ANK1: variants seen among roughly 807,000 people sequenced by gnomAD.
ANK1 encodes ankyrin-1.
In ANK1, 51 loss-of-function variants were observed where a neutral mutation model predicts 210.4. That is an observed-to-expected ratio of 0.24 (90% CI 0.19 to 0.31). The LOEUF is 0.31. Ranked by LOEUF, ANK1 falls within the 10% of genes least tolerant of loss-of-function variation. The pLI, the probability that ANK1 is intolerant of heterozygous loss-of-function variation, is 1.00. For missense variants in ANK1, 2,051 were observed against 2,504.4 expected (o/e 0.82, Z 3.86); for synonymous variants, 967 against 1,025.9 (o/e 0.94, Z 1.10).
chr8:41,792,640 C>CAT (rs1847974817), intron 1 of ANK1, among the ~76,000 whole-genome samples: 1 of 152,116 alleles, frequency 6.6e-6, no homozygotes, highest in Non-Finnish European at 1.5e-5. Flanking sequence ...GGAGAGATGA[C>CAT]ATATATATAA....
At chr8:41,692,610 G>T (rs781594514) in intron 31 of ANK1, 38 bp downstream of exon 31, 1 of 1,586,480 alleles carries the variant, frequency 6.3e-7, no homozygotes, top group South Asian at 1.1e-5. Flanking sequence ...CGGCAGGACG[G>T]TTTGTCCCAG....
chr8:41,837,191 C>A (rs1563877796), intron 1 of ANK1, among the ~76,000 whole-genome samples: 2 of 152,198 alleles, frequency 1.3e-5, no homozygotes, highest in Non-Finnish European at 2.9e-5. Context: ...TCAGGTGAGA[C>A]AAAGAATGCA....
intron 1 of ANK1, among the ~76,000 whole-genome samples, chr8:41,767,541 C>T (rs1253678938): frequency 6.6e-6 from 1 of 152,168 alleles, no homozygotes; most frequent in South Asian, 2.1e-4. Flanking sequence ...CTCTCCCGCC[C>T]GCCAGCCTGC....
chr8:41,755,295 C>T (rs550566574), intron 2 of ANK1, among the ~76,000 whole-genome samples: 3 of 152,340 alleles, frequency 2.0e-5, no homozygotes, highest in Admixed American at 6.5e-5. Flanking sequence ...AACGGGAGAC[C>T]AATCAGGACA....
rs776523256 is a variant in ANK1 at position 41,717,017 on chromosome 8, G to C, written c.1340C>G (p.Ala447Gly). The change falls in exon 13 of 43, where the codon GCC becomes GGC. Residue 447 changes from alanine (A) to glycine (G), a missense_variant. By Grantham distance (60) the Ala-to-Gly change is moderately conservative. Transcript: ENST00000289734. ...ATATTTGGCCACTTCCGTGTGCCCG[G>C]CTCTGGCTGCCATGTGTAGCGGGGT... ...VETPLHMAAR[A>G]GHTEVAKYLL... The C allele has an allele frequency of 1.9e-6, 3 of 1,614,210 alleles. No individual in the cohort carries two copies. The Admixed American group carries it at 5.0e-5, about 27-fold the overall frequency.
At chr8:41,748,906 G>C (rs1483639061) in intron 2 of ANK1, among the ~76,000 whole-genome samples, 1 of 152,062 alleles carries the variant, frequency 6.6e-6, no homozygotes, top group Non-Finnish European at 1.5e-5. Context: ...GTGGTGGCGG[G>C]CACCTGTAGT....
At chr8:41,809,233 G>T (rs1802099706) in intron 1 of ANK1, among the ~76,000 whole-genome samples, 1 of 152,168 alleles carries the variant, frequency 6.6e-6, no homozygotes, top group Non-Finnish European at 1.5e-5. Flanking sequence ...GCTTAGCCAA[G>T]ATTTATTTAG....
rs747026701 is a variant in ANK1 at position 41,688,137 on chromosome 8, C to G, written c.4258+19G>C. On this transcript the variant is annotated intron_variant, in intron 35 of 42. Transcript: ENST00000289734. The stretch of plus-strand genomic sequence containing the variant: ...GTGAGATGGACAAAGTGCTTTTCTG[C>G]CCCCAATTCCCCACTCACCTGCCCA... The G allele has an allele frequency of 1.2e-6, 2 of 1,613,264 alleles. No individual in the cohort carries two copies. The highest frequency in any genetic ancestry group is 2.2e-5 in the East Asian group (1 of 44,882).
At chr8:41,674,965 C>T (rs1023063296) in intron 37 of ANK1, among the ~76,000 whole-genome samples, 2 of 152,196 alleles carry the variant, frequency 1.3e-5, no homozygotes, top group African/African-American at 2.4e-5. Flanking sequence ...CTGACCAGGG[C>T]CATGGCCTTC....
At chr8:41,791,200 T>G (rs943063953) in intron 1 of ANK1, among the ~76,000 whole-genome samples, 19 of 132,744 alleles carry the variant, frequency 1.4e-4, no homozygotes, top group Admixed American at 1.1e-3. Context: ...CTTTGTTTTT[T>G]TTTTTTTTTT....
chr8:41,708,552 G>T (rs770245404), intron 17 of ANK1, among the ~76,000 whole-genome samples: 1 of 152,118 alleles, frequency 6.6e-6, no homozygotes, highest in African/African-American at 2.4e-5. Flanking sequence ...ATCGGCAAAG[G>T]CTTTGGCATC....
At position 41,675,995 on chromosome 8, in the gene ANK1, C is replaced by T. The variant is rs544285910; in HGVS notation, c.4538-3083G>A. 4.5e-4 allele frequency among the ~76,000 whole-genome samples: 69 copies of T among 152,238 alleles called. No homozygotes were observed. The South Asian group carries it at 0.014, about 30-fold the overall frequency. On this transcript the variant is annotated intron_variant, in intron 37 of 42. Transcript: ENST00000289734. The stretch of plus-strand genomic sequence containing the variant: ...CATAGCCCTTTGGAAGGATATATCA[C>T]AGTTTGTAAATTTATTTACCTGCCA...
At chr8:41,688,026 G>T in intron 35 of ANK1, 130 bp downstream of exon 35, 2 of 1,181,268 alleles carry the variant, frequency 1.7e-6, no homozygotes, top group Non-Finnish European at 1.3e-6. Context: ...ACCCAGCTCA[G>T]ACAATCACAA....
At chr8:41,778,886 G>T (rs13254281) in intron 1 of ANK1, among the ~76,000 whole-genome samples, 39,700 of 152,108 alleles carry the variant, frequency 0.26, 5,568 homozygotes, top group Non-Finnish European at 0.31. Context: ...CAGGCAGGAA[G>T]CCCGCGCTCA....
intron 1 of ANK1, among the ~76,000 whole-genome samples, chr8:41,879,154 C>G (rs1023807802): frequency 1.3e-5 from 2 of 152,148 alleles, no homozygotes; most frequent in African/African-American, 4.8e-5. Context: ...ATAGAGAAAT[C>G]AGACATGTGT....
At chr8:41,734,509 A>G (rs567572580) in intron 2 of ANK1, among the ~76,000 whole-genome samples, 1 of 152,354 alleles carries the variant, frequency 6.6e-6, no homozygotes, top group African/African-American at 2.4e-5. Context: ...GTTTGGTAAG[A>G]TGTTAAACTC....
At chr8:41,848,452 A>C (rs1452373630) in intron 1 of ANK1, among the ~76,000 whole-genome samples, 1 of 152,186 alleles carries the variant, frequency 6.6e-6, no homozygotes, top group African/African-American at 2.4e-5. Flanking sequence ...GTGCAGCACC[A>C]TTGGTCCCTG....
intron 1 of ANK1, among the ~76,000 whole-genome samples, chr8:41,889,732 A>G (rs1306317282): frequency 6.6e-6 from 1 of 152,200 alleles, no homozygotes; most frequent in Non-Finnish European, 1.5e-5. Flanking sequence ...TCACACCCAG[A>G]TTTACTACCT....
At chr8:41,844,028 C>A (rs1809530825) in intron 1 of ANK1, among the ~76,000 whole-genome samples, 1 of 152,226 alleles carries the variant, frequency 6.6e-6, no homozygotes, top group African/African-American at 2.4e-5. Context: ...GCATGCATCA[C>A]CACACCCAGC....
Sources: gnomAD v4.1 joint callset for allele counts (sites outside exome capture counted in the v4.1 genomes callset) on GRCh38, gnomAD v4.1.1 for gene constraint, MANE v1.5 for transcripts, NCBI Gene and HGNC (gene_info 2026-07-23, HGNC 2026-07-21) for gene names.